BRSK2: variants seen among roughly 807,000 people sequenced by gnomAD.
The protein encoded by BRSK2 is serine/threonine-protein kinase BRSK2.
A neutral mutation model predicts 83.3 loss-of-function variants in BRSK2; 19 were observed. The ratio of observed to expected loss-of-function variants is 0.23; its 90% CI spans 0.16 to 0.33. The LOEUF is 0.33. Ranked by LOEUF, BRSK2 falls within the 10% of genes least tolerant of loss-of-function variation. The pLI is 1.00. For synonymous variants in BRSK2, 519 were observed against 435.4 expected (o/e 1.19, Z -2.39); for missense variants, 798 against 1,042.3 (o/e 0.77, Z 3.23).
intron 19 of BRSK2, 182 bp downstream of exon 19, chr11:1,459,421 C>A: frequency 3.0e-6 from 2 of 658,290 alleles, no homozygotes; most frequent in Non-Finnish European, 5.4e-6. Context: ...CGCTCCCCTA[C>A]CACAGCAAGC....
intron 1 of BRSK2, among the ~76,000 whole-genome samples, chr11:1,395,101 G>T (rs1254671982): frequency 6.6e-6 from 1 of 152,184 alleles, no homozygotes; most frequent in Non-Finnish European, 1.5e-5. Flanking sequence ...TCAGCGTGGG[G>T]TGTCTGCTGC....
intron 18 of BRSK2, among the ~76,000 whole-genome samples, chr11:1,457,828 GCGGGC>G (rs1846815587): frequency 7.0e-6 from 1 of 143,196 alleles, no homozygotes; most frequent in Non-Finnish European, 1.6e-5. Context: ...TCACCTTGCT[GCGGGC>G]TGGGGGCTGA....
intron 1 of BRSK2, 141 bp from the exon 2 acceptor site, chr11:1,435,899 G>A (rs1180598932): frequency 1.6e-4 from 93 of 599,538 alleles, no homozygotes; most frequent in Non-Finnish European, 2.1e-4. Flanking sequence ...CGACCCAGGC[G>A]GGCAGGGGCC....
rs567723873 is a variant in BRSK2 at position 1,461,037 on chromosome 11, C to T, written c.*314C>T. Reference sequence around the variant, plus strand: ...CCTCTGTGACCGAAGGCAGCTGCTGCGGACCCGCCCTCCCTCCGCTCCTGC... The same window carrying T: ...CCTCTGTGACCGAAGGCAGCTGCTGTGGACCCGCCCTCCCTCCGCTCCTGC... On this transcript the variant is annotated 3_prime_UTR_variant, in exon 20 of 20. Coordinates refer to ENST00000528841, the MANE Select transcript of BRSK2 (RefSeq NM_001256627.2). The T allele has an allele frequency of 9.1e-5, 146 of 1,609,498 alleles. 1 individual carries two copies. Among genetic ancestry groups the T allele is most frequent in the Middle Eastern group, 1.7e-4 (1 of 6,050 alleles).
Position 1,440,940 on chromosome 11 carries a change from C to T in BRSK2, c.413+12C>T, listed in dbSNP as rs757637600. Reference sequence around the variant, plus strand: ...AGCCACTCCATATGGTGAGGCCCCACCCCTGGTGCCCCCCACTCCCCAGGG... The same window carrying T: ...AGCCACTCCATATGGTGAGGCCCCATCCCTGGTGCCCCCCACTCCCCAGGG... On this transcript the variant is annotated intron_variant, in intron 4 of 19. Coordinates refer to ENST00000528841, the MANE Select transcript of BRSK2 (RefSeq NM_001256627.2). The T allele has an allele frequency of 6.2e-7, 1 of 1,601,952 alleles. No individual in the cohort carries two copies. The highest frequency in any genetic ancestry group is 1.1e-5 in the South Asian group (1 of 90,450).
chr11:1,460,892 C>T lies in BRSK2; in HGVS notation c.*169C>T. 3 of 1,603,002 alleles carry T rather than the reference C, an allele frequency of 1.9e-6. No homozygotes were observed. Among genetic ancestry groups the T allele is most frequent in the Non-Finnish European group, 2.6e-6 (3 of 1,175,588 alleles). On this transcript the variant is annotated 3_prime_UTR_variant, in exon 20 of 20. Transcript: ENST00000528841. ...GGGGCCGGCCTGTGGGCTGCGCCAC[C>T]CGCGCCCGCTCTCTTTTCTCTCTGT... is the stretch of plus-strand genomic sequence containing the variant.
rs1053606640 is a variant in BRSK2, at chr11:1,423,019, A to T, written c.92-13021A>T. ...AAGGGAACAGAGCTTTGCGAAGATC[A>T]AGGGGAGGGCAATGCAGCTTGGGAG... On this transcript the variant is annotated intron_variant, in intron 1 of 19. Coordinates refer to ENST00000528841, the MANE Select transcript of BRSK2 (RefSeq NM_001256627.2). This position sits in a 1 kb window ranked among gnomAD's most constrained non-coding sequence, Gnocchi z 6.5. 6.6e-6 allele frequency among the ~76,000 whole-genome samples: 1 copy of T among 152,190 alleles called. No homozygotes were observed. Among genetic ancestry groups the T allele is most frequent in the Admixed American group, 6.5e-5 (1 of 15,290 alleles).
chr11:1,434,891 C>T (rs906501505), intron 1 of BRSK2, among the ~76,000 whole-genome samples: 6 of 152,054 alleles, frequency 3.9e-5, no homozygotes, highest in Non-Finnish European at 8.8e-5. Flanking sequence ...TCTCCAGTGT[C>T]AAGGCCACAG....
At chr11:1,392,561 T>C (rs1165647658) in intron 1 of BRSK2, among the ~76,000 whole-genome samples, 1 of 152,154 alleles carries the variant, frequency 6.6e-6, no homozygotes, top group South Asian at 2.1e-4. Context: ...GTGAGCCTTG[T>C]GGTGCCACGA....
chr11:1,429,198 GGT>G (rs1029303366), intron 1 of BRSK2, among the ~76,000 whole-genome samples: 3 of 149,634 alleles, frequency 2.0e-5, no homozygotes, highest in South Asian at 2.1e-4. Flanking sequence ...CGTGTGCATG[GGT>G]GTGTGTGCAC....
chr11:1,434,666 C>G (rs1259844710), intron 1 of BRSK2, among the ~76,000 whole-genome samples: 3 of 136,026 alleles, frequency 2.2e-5, no homozygotes, highest in Non-Finnish European at 1.6e-5. Context: ...CTGTGATAAC[C>G]TGGGCCGGCT....
rs968468052 is a variant in BRSK2, at chr11:1,390,204, C to CGGCGGACGCG, written c.-71_-62dup. On this transcript the variant is annotated 5_prime_UTR_variant, in exon 1 of 20. Coordinates refer to ENST00000528841, the MANE Select transcript of BRSK2 (RefSeq NM_001256627.2). This position sits in a 1 kb window ranked among gnomAD's most constrained non-coding sequence, Gnocchi z 6.8. The stretch of plus-strand genomic sequence containing the variant: ...CGGCCGGGTCGGCGCGGACGGCACT[C>CGGCGGACGCG]GGCGGACGCGGGCGGACGCTGGGCG... 1.8e-5 allele frequency: 14 copies of CGGCGGACGCG among 773,184 alleles called. No homozygotes were observed. Among genetic ancestry groups the CGGCGGACGCG allele is most frequent in the Middle Eastern group, 6.2e-4 (1 of 1,614 alleles). The allele number at this position is 773,184 out of a possible 1,614,324, so 47.9% of individuals were successfully genotyped here. A position where few individuals can be genotyped will look rare whatever the true frequency, so the allele number is the denominator to read the frequency against.
chr11:1,427,488 C>G (rs1564828433), intron 1 of BRSK2, among the ~76,000 whole-genome samples: 1 of 152,140 alleles, frequency 6.6e-6, no homozygotes. Flanking sequence ...CGTGGCATAC[C>G]CGTGGCTTCC....
At chr11:1,451,313 G>T in intron 14 of BRSK2, 58 bp from the exon 15 acceptor site, 1 of 1,597,750 alleles carries the variant, frequency 6.3e-7, no homozygotes, top group Non-Finnish European at 8.6e-7. Flanking sequence ...GGTGGCCAGG[G>T]CAGGGGAAGG....
intron 19 of BRSK2, chr11:1,459,519 T>G: frequency 2.0e-6 from 1 of 491,168 alleles, no homozygotes; most frequent in South Asian, 2.3e-5. Flanking sequence ...CTGAAGCCAG[T>G]GAGGGTCCCG....
chr11:1,409,673 G>A (rs7124503), intron 1 of BRSK2: 7 of 152,004 alleles, frequency 4.6e-5, no homozygotes, highest in Admixed American at 1.3e-4. Context: ...CGCTTTGGGG[G>A]TGTCAGGTAT....
In BRSK2 at chr11:1,460,784, GC is replaced by G; in HGVS notation, c.*64del. On this transcript the variant is annotated 3_prime_UTR_variant, in exon 20 of 20. Transcript: ENST00000528841. The stretch of plus-strand genomic sequence containing the variant: ...GCGGCTGCCTCGCCGCCCGCCGCCC[GC>G]CCTGCCCCGAGTGGACCCGCGGCCG... 8 of 1,404,468 alleles carry G rather than the reference GC, an allele frequency of 5.7e-6. No individual in the cohort carries two copies. Among genetic ancestry groups the G allele is most frequent in the Non-Finnish European group, 7.3e-6 (8 of 1,088,488 alleles). The allele number at this position is 1,404,468 out of a possible 1,614,324, so 87.0% of individuals were successfully genotyped here. A position where few individuals can be genotyped will look rare whatever the true frequency, so the allele number is the denominator to read the frequency against.
intron 1 of BRSK2, among the ~76,000 whole-genome samples, chr11:1,398,893 C>T (rs1438235709): frequency 6.6e-6 from 1 of 152,198 alleles, no homozygotes; most frequent in African/African-American, 2.4e-5. Context: ...CCCCCCCAGC[C>T]CCTCCGCTTA....
chr11:1,456,501 T>C lies in BRSK2; in HGVS notation c.1822T>C (p.Tyr608His). The C allele has an allele frequency of 1.3e-6, 2 of 1,577,476 alleles. No individual in the cohort carries two copies. The highest frequency in any genetic ancestry group is 1.7e-6 in the Non-Finnish European group (2 of 1,160,770). Reference sequence around the variant, plus strand: ...GGAGGCGCAGAAGGAGAACGGCATCTACTCCGTCACCTTCACCCTGCTCTC... The same window carrying C: ...GGAGGCGCAGAAGGAGAACGGCATCCACTCCGTCACCTTCACCCTGCTCTC... ...GGEAQKENGIYSVTFTLLSGP... is the reference protein window; with the variant it reads ...GGEAQKENGIHSVTFTLLSGP... Residue 608 changes from tyrosine to histidine, a missense_variant, in exon 17 of 20, where the codon TAC becomes CAC. By Grantham distance (83) the Tyr-to-His change is moderately conservative (BLOSUM62 2). Around this residue, in one of 6 missense-constraint regions of BRSK2, gnomAD observed 455 missense variants for 455.2 expected, o/e 1.00. Transcript: ENST00000528841.
Sources: gnomAD v4.1 joint callset for allele counts (sites outside exome capture counted in the v4.1 genomes callset) on GRCh38, gnomAD v4.1.1 for gene constraint, gnomAD v4.1.1 regional missense constraint, Gnocchi (gnomAD v3.1) non-coding constraint, MANE v1.5 for transcripts, NCBI Gene and HGNC (gene_info 2026-07-23, HGNC 2026-07-21) for gene names.